The following RAP1GAP variants were observed in gnomAD, a reference collection of about 807,000 sequenced individuals.
RAP1GAP encodes rap1 GTPase-activating protein 1.
Under a neutral mutation model 87.2 loss-of-function variants are expected in RAP1GAP, and 35 were observed. The observed-to-expected ratio is 0.40, with a 90% CI of 0.31 to 0.53. The LOEUF is 0.53. RAP1GAP is among the 20% of genes least tolerant of loss of function. The pLI is 0.48. For missense variants in RAP1GAP, 734 were observed against 898.9 expected (o/e 0.82, Z 2.35); for synonymous variants, 375 against 363.9 (o/e 1.03, Z -0.35).
At chr1:21,601,660 G>GC in intron 20 of RAP1GAP, 24 bp downstream of exon 20, 1 of 1,551,830 alleles carries the variant, frequency 6.4e-7, no homozygotes, top group East Asian at 2.3e-5. Flanking sequence ...AAGCCCCCAA[G>GC]CCCCACGTGC....
At chr1:21,666,708 C>A (rs1332485299) in intron 1 of RAP1GAP, among the ~76,000 whole-genome samples, 1 of 152,186 alleles carries the variant, frequency 6.6e-6, no homozygotes, top group Non-Finnish European at 1.5e-5. Context: ...TGATGTAATT[C>A]ATGCGTGTGT....
At chr1:21,607,406 C>T (rs1202505942) in intron 17 of RAP1GAP, among the ~76,000 whole-genome samples, 2 of 152,164 alleles carry the variant, frequency 1.3e-5, no homozygotes, top group Non-Finnish European at 2.9e-5. Context: ...AACTGATGCT[C>T]ACAGAATGCC....
At position 21,646,847 on chromosome 1, in the gene RAP1GAP, G is replaced by A. The variant is rs539837750; in HGVS notation, c.-113+2914C>T. Among the ~76,000 whole-genome samples, 17 of 152,280 alleles carry A rather than the reference G, an allele frequency of 1.1e-4. 1 individual carries two copies. The South Asian group carries it at 3.5e-3, about 32-fold the overall frequency. Reference sequence around the variant, plus strand: ...ACTGGGCCTCCTTCCTCTTGCATCTGCACACCTACTCTGAGGTCCTCCACT... The same window carrying A: ...ACTGGGCCTCCTTCCTCTTGCATCTACACACCTACTCTGAGGTCCTCCACT... On this transcript the variant is annotated intron_variant, in intron 2 of 24. Coordinates refer to ENST00000374765, the MANE Select transcript of RAP1GAP (RefSeq NM_002885.4).
At chr1:21,610,747 C>T (rs1373024702) in intron 13 of RAP1GAP, among the ~76,000 whole-genome samples, 1 of 152,206 alleles carries the variant, frequency 6.6e-6, no homozygotes, top group Non-Finnish European at 1.5e-5. Context: ...ATGCCCCAAA[C>T]ATGGCCCCCA....
At chr1:21,604,569 C>T (rs887443593) in intron 18 of RAP1GAP, among the ~76,000 whole-genome samples, 1 of 152,060 alleles carries the variant, frequency 6.6e-6, no homozygotes, top group African/African-American at 2.4e-5. Context: ...GGGCCCCTCT[C>T]GGCCACCCAC....
At position 21,602,810 on chromosome 1, in the gene RAP1GAP, T is replaced by A. The variant is rs762618382; in HGVS notation, c.1532A>T (p.Glu511Val). Residue 511 changes from glutamate to valine, a missense_variant, in exon 19 of 25, where the codon GAG becomes GTG. By Grantham distance (121) the Glu-to-Val change is moderately radical. Around this residue, in one of 2 missense-constraint regions of RAP1GAP, gnomAD observed 249 missense variants for 252.7 expected, o/e 0.99. Coordinates refer to ENST00000374765, the MANE Select transcript of RAP1GAP (RefSeq NM_002885.4). ...CTGTCCCCCACTCACCCACCTCTTC[T>A]CCTGCACCTCCTGTATGTTCTCGAT... ...IGIENIQEVQ[E>V]KRESPPAGQK... 8 of 1,606,906 alleles carry A rather than the reference T, an allele frequency of 5.0e-6. No individual in the cohort carries two copies. The highest frequency in any genetic ancestry group is 6.8e-6 in the Non-Finnish European group (8 of 1,178,452).
chr1:21,608,149 C>T, intron 17 of RAP1GAP, 64 bp downstream of exon 17: 1 of 1,584,460 alleles, frequency 6.3e-7, no homozygotes, highest in Non-Finnish European at 8.6e-7. Flanking sequence ...CTATCAGCCT[C>T]AGCCCGGGAT....
At chr1:21,641,098 TTA>T (rs2095485868) in intron 2 of RAP1GAP, among the ~76,000 whole-genome samples, 1 of 144,892 alleles carries the variant, frequency 6.9e-6, no homozygotes, top group African/African-American at 2.6e-5. Flanking sequence ...TTTTGTATTT[TTA>T]GTAAAGATAG....
chr1:21,647,839 G>A (rs1010327709), intron 2 of RAP1GAP, among the ~76,000 whole-genome samples: 8 of 152,232 alleles, frequency 5.3e-5, no homozygotes, highest in Admixed American at 2.0e-4. Context: ...ACAAAGTTGG[G>A]CTGGAGGTGT....
chr1:21,614,187 TTC>T (rs1489468214), intron 7 of RAP1GAP, 98 bp from the exon 8 acceptor site: 3 of 757,784 alleles, frequency 4.0e-6, no homozygotes, highest in Non-Finnish European at 4.4e-6. Flanking sequence ...ATGCAGGTCC[TTC>T]GCCGATAGCA....
At chr1:21,618,501 C>T (rs752733794) in intron 5 of RAP1GAP, among the ~76,000 whole-genome samples, 1 of 152,124 alleles carries the variant, frequency 6.6e-6, no homozygotes, top group Non-Finnish European at 1.5e-5. Context: ...CCCCTCATCT[C>T]GCTGAGTCCC....
chr1:21,664,356 T>C (rs906638308), intron 1 of RAP1GAP, among the ~76,000 whole-genome samples: 2 of 152,186 alleles, frequency 1.3e-5, no homozygotes, highest in Admixed American at 1.3e-4. Context: ...GCTAGTGGGC[T>C]CAGCCTGCCC....
intron 2 of RAP1GAP, among the ~76,000 whole-genome samples, chr1:21,646,375 A>G (rs2096059118): frequency 6.6e-6 from 1 of 152,188 alleles, no homozygotes; most frequent in South Asian, 2.1e-4. Flanking sequence ...TCTCTGACCT[A>G]GGTCCCTTCC....
chr1:21,604,482 G>A (rs1011908457), intron 18 of RAP1GAP, among the ~76,000 whole-genome samples: 17 of 152,122 alleles, frequency 1.1e-4, no homozygotes, highest in African/African-American at 4.1e-4. Context: ...CAGAGAGAGG[G>A]AGAGTTGTGC....
intron 19 of RAP1GAP, 30 bp downstream of exon 19, chr1:21,602,774 G>A: frequency 6.4e-7 from 1 of 1,559,058 alleles, no homozygotes; most frequent in Middle Eastern, 1.7e-4. Context: ...GGGATGCAGG[G>A]GAATGGGGCA....
At position 21,618,057 on chromosome 1, in the gene RAP1GAP, G is replaced by GCTGA. The variant is rs1456721251; in HGVS notation, c.67-86_67-85insTCAG. 3 of 1,550,598 alleles carry GCTGA rather than the reference G, an allele frequency of 1.9e-6. No homozygotes were observed. The African/African-American group carries it at 4.1e-5, about 21-fold the overall frequency. Reference sequence around the variant, plus strand: ...GCTGGCCTCTGCTTGGCCAGCCTCAGGGCTGAGAGTGCGGATGGGGCCCTG... The same window carrying GCTGA: ...GCTGGCCTCTGCTTGGCCAGCCTCAGCTGAGGCTGAGAGTGCGGATGGGGCCCTG... On this transcript the variant is annotated intron_variant, in intron 5 of 24. Transcript: ENST00000374765.
intron 2 of RAP1GAP, among the ~76,000 whole-genome samples, chr1:21,635,093 C>T (rs1350370486): frequency 6.6e-6 from 1 of 152,208 alleles, no homozygotes; most frequent in Non-Finnish European, 1.5e-5. Context: ...GAGATGGTGA[C>T]TTCCAAGCTT....
Position 21,610,159 on chromosome 1 carries a change from C to T in RAP1GAP, c.960G>A (p.Val320=), listed in dbSNP as rs2077341807. The change falls in exon 14 of 25, where the codon GTG becomes GTA. Residue 320 remains valine, a synonymous_variant. Coordinates refer to ENST00000374765, the MANE Select transcript of RAP1GAP (RefSeq NM_002885.4). The part of the protein sequence containing the change: ...ASNFLHAYVV[V]QAEGGGPDGP... ...CATCAGGGCCCCCGCCCTCAGCCTG[C>T]ACCACGACGTAGGCATGCAGGAAGT... The T allele has an allele frequency of 1.2e-6, 2 of 1,614,132 alleles. No individual in the cohort carries two copies. The highest frequency in any genetic ancestry group is 2.2e-5 in the South Asian group (2 of 91,084).
Position 21,608,487 on chromosome 1 carries a change from G to A in RAP1GAP, c.1159-137C>T, listed in dbSNP as rs1409106019. 2.0e-5 allele frequency: 24 copies of A among 1,196,288 alleles called. No homozygotes were observed. The South Asian group carries it at 2.7e-4, about 14-fold the overall frequency. The allele number at this position is 1,196,288 out of a possible 1,614,324, so 74.1% of individuals were successfully genotyped here. On this transcript the variant is annotated intron_variant, in intron 16 of 24. Transcript: ENST00000374765. ...GGAGTGGGGAGGGCGGAGGGCTCCT[G>A]CACCGCCTTCCCCCAGGCCACTCCA...
Sources: gnomAD v4.1 joint callset for allele counts (sites outside exome capture counted in the v4.1 genomes callset) on GRCh38, gnomAD v4.1.1 for gene constraint, gnomAD v4.1.1 regional missense constraint, MANE v1.5 for transcripts, NCBI Gene and HGNC (gene_info 2026-07-23, HGNC 2026-07-21) for gene names.